The following TCOF1 variants were observed in gnomAD, a reference collection of about 807,000 sequenced individuals.
The protein encoded by TCOF1 is treacle protein.
Under a neutral mutation model 149.0 loss-of-function variants are expected in TCOF1, and 33 were observed. That is an observed-to-expected ratio of 0.22 (90% confidence interval 0.17 to 0.30). The LOEUF (loss-of-function observed/expected upper bound fraction) is 0.30. Ranked by LOEUF, TCOF1 falls within the 10% of genes least tolerant of loss-of-function variation. The pLI, the probability that TCOF1 is intolerant of heterozygous loss-of-function variation, is 1.00. For synonymous variants in TCOF1, 789 were observed against 738.8 expected (o/e 1.07, Z -1.10); for missense variants, 1,728 against 1,840.7 (o/e 0.94, Z 1.12).
intron 17 of TCOF1, chr5:150,384,141 A>G (rs1765796394): frequency 1.8e-6 from 2 of 1,088,898 alleles, no homozygotes. Context: ...CCACATTGTT[A>G]TCAATTCATC....
In TCOF1 at chr5:150,368,949, G is replaced by A. The variant is rs1348796383; in HGVS notation, c.565+47G>A. ...GAACCTAGTCCCCAGAACTTGGGCT[G>A]GTGAGGCAGGCCTAGGCATTGCTTT... On this transcript the variant is annotated intron_variant, in intron 5 of 26. Coordinates refer to ENST00000643257, the MANE Select transcript of TCOF1 (RefSeq NM_001371623.1). 1.9e-6 allele frequency: 3 copies of A among 1,608,104 alleles called. No homozygotes were observed. In the African/African-American group the frequency reaches 4.0e-5, roughly 21 times the overall value.
In TCOF1 at chr5:150,374,382, T is replaced by C; in HGVS notation, c.1079T>C (p.Leu360Pro). ...GAGACGCCAGCTGCCAAGGCCCTGC[T>C]TCAGGTGAGGCCTGAGGAGGGAGAC... ...EEETPAAKAL[L>P]QAKASGKTSQ... is the part of the protein sequence containing the mutation. Residue 360 changes from leucine to proline, a missense_variant, in exon 8 of 27, where the codon CTT (leucine) becomes CCT (proline). Coordinates refer to ENST00000643257, the MANE Select transcript of TCOF1 (RefSeq NM_001371623.1). 1 of 1,552,982 alleles carries C rather than the reference T, an allele frequency of 6.4e-7. No homozygotes were observed. Among genetic ancestry groups the C allele is most frequent in the Non-Finnish European group, 8.7e-7 (1 of 1,148,106 alleles).
chr5:150,383,929 G>C, intron 17 of TCOF1: 1 of 1,488,774 alleles, frequency 6.7e-7, no homozygotes, highest in East Asian at 2.5e-5. Flanking sequence ...TGCTGGTGTG[G>C]TCCAAGCTTC....
chr5:150,363,773 A>G (rs1562285783), intron 2 of TCOF1, among the ~76,000 whole-genome samples: 1 of 152,206 alleles, frequency 6.6e-6, no homozygotes, highest in Non-Finnish European at 1.5e-5. Context: ...GGCACAGTAC[A>G]CACAGCATGT....
Position 150,392,579 on chromosome 5 carries a change from G to A in TCOF1, c.3518-126G>A, listed in dbSNP as rs549391993. 11 of 859,666 alleles carry A rather than the reference G, an allele frequency of 1.3e-5. No individual in the cohort carries two copies. The South Asian group carries it at 1.6e-4, about 12-fold the overall frequency. 53.3% of individuals were successfully genotyped at this position (859,666 alleles called of 1,614,324 possible). A position where few individuals can be genotyped will look rare whatever the true frequency, so the allele number is the denominator to read the frequency against. ...GTGTTGAAGCAGTAGGAAGACTTGTGGTGAGGCGGGGCAGGGGATGGGGGT... is the reference window on the plus strand; with the variant it reads ...GTGTTGAAGCAGTAGGAAGACTTGTAGTGAGGCGGGGCAGGGGATGGGGGT... On this transcript the variant is annotated intron_variant, in intron 21 of 26. Coordinates refer to ENST00000643257, the MANE Select transcript of TCOF1 (RefSeq NM_001371623.1).
chr5:150,367,212 G>A (rs1761559167), intron 3 of TCOF1, among the ~76,000 whole-genome samples: 1 of 152,148 alleles, frequency 6.6e-6, no homozygotes, highest in Admixed American at 6.5e-5. Flanking sequence ...GGCTGAGGCA[G>A]GAGAATAGTG....
At chr5:150,379,115 CAGG>C in intron 15 of TCOF1, 73 bp downstream of exon 15, 1 of 1,613,794 alleles carries the variant, frequency 6.2e-7, no homozygotes, top group Non-Finnish European at 8.5e-7. Context: ...TGAGCCCAGC[CAGG>C]AGAAGGTGCG....
At position 150,399,198 on chromosome 5, in the gene TCOF1, C is replaced by T. The variant is rs538663377; in HGVS notation, c.*22+128C>T. ...GGAAAGGAGGCTGGGGAAAGAGGTT[C>T]TGTTGCCAAGGGTCCATGGGGCCAC... On this transcript the variant is annotated intron_variant, in intron 26 of 26. Transcript: ENST00000643257. 9 of 1,354,472 alleles carry T rather than the reference C, an allele frequency of 6.6e-6. No individual in the cohort carries two copies. In the African/African-American group the frequency reaches 1.1e-4, roughly 17 times the overall value. The allele number at this position is 1,354,472 out of a possible 1,614,324, so 83.9% of individuals were successfully genotyped here.
rs746127551 is a variant in TCOF1, at chr5:150,368,771, G to A, written c.434G>A (p.Gly145Glu). The A allele has an allele frequency of 6.2e-7, 1 of 1,614,114 alleles. No individual in the cohort carries two copies. Among genetic ancestry groups the A allele is most frequent in the Non-Finnish European group, 8.5e-7 (1 of 1,180,030 alleles). The change falls in exon 5 of 27, where the codon GGG becomes GAG. Residue 145 changes from glycine to glutamate, a missense_variant. Gly to Glu is a moderately conservative substitution (Grantham distance 98). Around this residue, in one of 2 missense-constraint regions of TCOF1, gnomAD observed 1,696 missense variants for 1,765.4 expected, o/e 0.96. Coordinates refer to ENST00000643257, the MANE Select transcript of TCOF1 (RefSeq NM_001371623.1). Reference protein sequence around the residue: ...TGNSMPHPATGKTVANLLSGK... With the variant: ...TGNSMPHPATEKTVANLLSGK... Reference sequence around the variant, plus strand: ...AATTCCATGCCACACCCTGCCACTGGGAAGACGGTGGCCAACCTTCTTTCT... The same window carrying A: ...AATTCCATGCCACACCCTGCCACTGAGAAGACGGTGGCCAACCTTCTTTCT...
intron 17 of TCOF1, among the ~76,000 whole-genome samples, chr5:150,386,144 C>T (rs1291843566): frequency 1.3e-5 from 2 of 152,234 alleles, no homozygotes; most frequent in African/African-American, 2.4e-5. Context: ...CCGCCCCAAC[C>T]CCCCACAGCC....
At position 150,387,963 on chromosome 5, in the gene TCOF1, C is replaced by T. The variant is rs1443491572; in HGVS notation, c.2921C>T (p.Thr974Ile). Reference sequence around the variant, plus strand: ...CGTAGTCCAGCTGGCCCAGCTGCTACACCCGCACAAGCCCAGGCTGCAAGC... The same window carrying T: ...CGTAGTCCAGCTGGCCCAGCTGCTATACCCGCACAAGCCCAGGCTGCAAGC... ...PNRSPAGPAA[T>I]PAQAQAASTP... is the part of the protein sequence containing the mutation. The change falls in exon 18 of 27, where the codon ACA (threonine) becomes ATA (isoleucine). Residue 974 changes from threonine to isoleucine, a missense_variant. By Grantham distance (89) the Thr-to-Ile change is moderately conservative. Transcript: ENST00000643257. The T allele has an allele frequency of 6.2e-7, 1 of 1,614,080 alleles. No homozygotes were observed.
intron 18 of TCOF1, 23 bp downstream of exon 18, chr5:150,388,111 G>C: frequency 6.2e-7 from 1 of 1,612,900 alleles, no homozygotes; most frequent in Non-Finnish European, 8.5e-7. Flanking sequence ...CTTATGCAGT[G>C]GTGGGAGGGG....
chr5:150,374,590 C>G (rs781642190), intron 8 of TCOF1, 27 bp from the exon 9 acceptor site: 1 of 1,612,512 alleles, frequency 6.2e-7, no homozygotes, highest in African/African-American at 1.3e-5. Context: ...ATCCTCTGGG[C>G]TGTCTCCCCT....
intron 17 of TCOF1, among the ~76,000 whole-genome samples, chr5:150,382,275 G>A (rs964916176): frequency 6.6e-5 from 10 of 152,226 alleles, no homozygotes; most frequent in Non-Finnish European, 1.5e-4. Context: ...CTGGCTGGGA[G>A]GAGGGCCCAC....
At chr5:150,392,888 C>A in intron 22 of TCOF1, 98 bp downstream of exon 22, 3 of 1,423,186 alleles carry the variant, frequency 2.1e-6, no homozygotes, top group Admixed American at 2.0e-5. Context: ...GGGTCTGGGT[C>A]CCCTCTCTTC....
At chr5:150,377,838 C>G (rs143898074) in intron 14 of TCOF1, among the ~76,000 whole-genome samples, 33 of 152,314 alleles carry the variant, frequency 2.2e-4, no homozygotes, top group African/African-American at 7.9e-4. Context: ...ATTTTTTGAA[C>G]CATGGGCTAT....
At chr5:150,373,196 C>T (rs929341242) in intron 7 of TCOF1, among the ~76,000 whole-genome samples, 1 of 151,992 alleles carries the variant, frequency 6.6e-6, no homozygotes, top group African/African-American at 2.4e-5. Flanking sequence ...TACAGGCACA[C>T]ACCACCACAC....
chr5:150,374,929 C>T, intron 9 of TCOF1, 25 bp from the exon 10 acceptor site: 1 of 1,613,586 alleles, frequency 6.2e-7, no homozygotes, highest in South Asian at 1.1e-5. Context: ...TCTGGGCTCT[C>T]CCCTCATCCT....
intron 3 of TCOF1, 191 bp from the exon 4 acceptor site, chr5:150,367,653 C>G: frequency 3.1e-6 from 2 of 653,774 alleles, no homozygotes; most frequent in Non-Finnish European, 5.6e-6. Context: ...ATCCTCTTCT[C>G]TCTTGCTCCT....
Sources: gnomAD v4.1 joint callset for allele counts (sites outside exome capture counted in the v4.1 genomes callset) on GRCh38, gnomAD v4.1.1 for gene constraint, gnomAD v4.1.1 regional missense constraint, MANE v1.5 for transcripts, NCBI Gene and HGNC (gene_info 2026-07-23, HGNC 2026-07-21) for gene names.